Variants in PGBD2 observed in about 807,000 individuals in gnomAD.
PGBD2 encodes piggyBac transposable element-derived protein 2.
In PGBD2, 6 loss-of-function variants were observed where a neutral mutation model predicts 8.1. That is an observed-to-expected ratio of 0.74 (90% CI 0.40 to 1.46). PGBD2 has a LOEUF of 1.46. PGBD2 is among the 40% of genes most tolerant of loss of function. The pLI is 0.02. For synonymous variants in PGBD2, 318 were observed against 272.2 expected, an observed-to-expected ratio of 1.17 and a Z score of -1.66; for missense variants, 802 against 739.0, an observed-to-expected ratio of 1.09 and a Z score of -0.99.
At chr1:248,879,945 A>G in the PGBD2 span, among the ~76,000 whole-genome samples, 19 of 152,136 alleles carry the variant, frequency 1.2e-4, no homozygotes, top group Non-Finnish European at 2.2e-4. Flanking sequence ...TAACAACTGC[A>G]ATCAGTTCTG....
chr1:248,919,116 A>G lies in PGBD2; in HGVS notation c.*753A>G, dbSNP rs753244179. On this transcript the variant is annotated 3_prime_UTR_variant, in exon 3 of 3. Coordinates refer to ENST00000329291, the MANE Select transcript of PGBD2 (RefSeq NM_170725.3). ...ATCCAATTATACTGTTAGTTATTTTAAAATGTGCAATTAAATTATTTTTAA... is the reference window on the plus strand; with the variant it reads ...ATCCAATTATACTGTTAGTTATTTTGAAATGTGCAATTAAATTATTTTTAA... 5.4e-5 allele frequency: 9 copies of G among 167,160 alleles called. No homozygotes were observed. Among genetic ancestry groups the G allele is most frequent in the Non-Finnish European group, 1.0e-4 (7 of 68,112 alleles). 10.4% of individuals were successfully genotyped at this position (167,160 alleles called of 1,614,324 possible). A position where few individuals can be genotyped will look rare whatever the true frequency, so the allele number is the denominator to read the frequency against.
chr1:248,873,928 A>C, the PGBD2 span, among the ~76,000 whole-genome samples: 14 of 152,178 alleles, frequency 9.2e-5, no homozygotes, highest in Non-Finnish European at 1.9e-4. Context: ...TGGTCTCCGG[A>C]TGGAGGCGTG....
downstream of PGBD2, among the ~76,000 whole-genome samples, chr1:248,924,778 C>T (rs1482495152): frequency 6.6e-6 from 1 of 152,224 alleles, no homozygotes; most frequent in Non-Finnish European, 1.5e-5. Flanking sequence ...GATGCAGATA[C>T]AGAAACTGAG....
chr1:248,874,933 G>GATAGATAGATAGATAGATAGATAGACAA, the PGBD2 span, among the ~76,000 whole-genome samples: 182 of 150,690 alleles, frequency 1.2e-3, no homozygotes, highest in African/African-American at 4.4e-3. Context: ...TAGATAGATA[G>GATAGATAGATAGATAGATAGATAGACAA]ATAGATAGAT....
the PGBD2 span, among the ~76,000 whole-genome samples, chr1:248,928,567 G>A: frequency 6.6e-6 from 1 of 152,166 alleles, no homozygotes; most frequent in Non-Finnish European, 1.5e-5. Flanking sequence ...TATCTCATCT[G>A]AGGTAGGATG....
rs1402831950 is a variant in PGBD2, at chr1:248,911,526, C to T, written c.-47-2290C>T. On this transcript the variant is annotated intron_variant, in intron 1 of 2. Coordinates refer to ENST00000329291, the MANE Select transcript of PGBD2 (RefSeq NM_170725.3). ...TCTCCCATGTCTACTTCTTTCTACACAGACACGGCAACCATCCGATTTCTC... is the reference window on the plus strand; with the variant it reads ...TCTCCCATGTCTACTTCTTTCTACATAGACACGGCAACCATCCGATTTCTC... 8.4e-5 allele frequency among the ~76,000 whole-genome samples: 12 copies of T among 143,608 alleles called. 1 individual carries two copies. Among genetic ancestry groups the T allele is most frequent in the African/African-American group, 2.1e-4 (7 of 33,316 alleles). 94.2% of individuals were successfully genotyped at this position (143,608 alleles called of 152,430 possible). A position where few individuals can be genotyped will look rare whatever the true frequency, so the allele number is the denominator to read the frequency against.
intron 1 of PGBD2, among the ~76,000 whole-genome samples, chr1:248,911,494 CGA>C (rs1661873357): frequency 6.8e-6 from 1 of 147,242 alleles, no homozygotes; most frequent in Non-Finnish European, 1.5e-5. Flanking sequence ...CAGAACAAAA[CGA>C]AAAGTCTCCC....
At chr1:248,927,843 G>C in the PGBD2 span, among the ~76,000 whole-genome samples, 1 of 152,188 alleles carries the variant, frequency 6.6e-6, no homozygotes, top group Non-Finnish European at 1.5e-5. Flanking sequence ...TAGGCAGGTA[G>C]ATAGATAGAT....
At chr1:248,910,081 G>T (rs1661810747) in intron 1 of PGBD2, among the ~76,000 whole-genome samples, 1 of 152,212 alleles carries the variant, frequency 6.6e-6, no homozygotes, top group Admixed American at 6.5e-5. Context: ...AAGCAACTGT[G>T]ACATGGTAAC....
At chr1:248,907,625 A>G (rs1661705517) in intron 1 of PGBD2, among the ~76,000 whole-genome samples, 1 of 152,090 alleles carries the variant, frequency 6.6e-6, no homozygotes, top group South Asian at 2.1e-4. Context: ...CCCCTTGTTT[A>G]TTGAGACTAG....
At chr1:248,927,810 A>G in the PGBD2 span, among the ~76,000 whole-genome samples, 1 of 152,208 alleles carries the variant, frequency 6.6e-6, no homozygotes, top group South Asian at 2.1e-4. Flanking sequence ...AGGTAGAAAA[A>G]ATACTAGTAA....
chr1:248,914,500 C>G, intron 2 of PGBD2: 1 of 1,289,114 alleles, frequency 7.8e-7, no homozygotes, highest in Non-Finnish European at 1.0e-6. Context: ...CAGTCAGTCT[C>G]CAGGAAGTGA....
chr1:248,921,323 T>A (rs1662282987), downstream of PGBD2, among the ~76,000 whole-genome samples: 1 of 152,156 alleles, frequency 6.6e-6, no homozygotes, highest in African/African-American at 2.4e-5. Flanking sequence ...TTGTATAAGG[T>A]GTAAGGAAGG....
the PGBD2 span, among the ~76,000 whole-genome samples, chr1:248,889,928 C>CTTTTCTT: frequency 8.8e-5 from 12 of 136,002 alleles, no homozygotes; most frequent in African/African-American, 2.8e-4. Flanking sequence ...TTTTTCTTTT[C>CTTTTCTT]TTTTTTTTTT....
chr1:248,885,442 A>C, the PGBD2 span, among the ~76,000 whole-genome samples: 1 of 152,000 alleles, frequency 6.6e-6, no homozygotes, highest in Non-Finnish European at 1.5e-5. Context: ...TGCTCAGCTA[A>C]AAATTTTATT....
the PGBD2 span, among the ~76,000 whole-genome samples, chr1:248,877,935 T>G: frequency 6.6e-6 from 1 of 152,200 alleles, no homozygotes; most frequent in East Asian, 1.9e-4. Flanking sequence ...TTATGGAGAA[T>G]ATTAATGCAA....
chr1:248,922,119 G>T (rs1394292930), downstream of PGBD2, among the ~76,000 whole-genome samples: 1 of 151,142 alleles, frequency 6.6e-6, no homozygotes, highest in Non-Finnish European at 1.5e-5. Flanking sequence ...GAGTGCAGTG[G>T]CACGATCTCG....
rs756509042 is a variant in PGBD2, at chr1:248,917,861, T to C, written c.1277T>C (p.Val426Ala). The C allele has an allele frequency of 6.2e-7, 1 of 1,614,192 alleles. No individual in the cohort carries two copies. Among genetic ancestry groups the C allele is most frequent in the Admixed American group, 1.7e-5 (1 of 60,012 alleles). ...SSVVNICSNA[V>A]GIEPVRLTSR... is the part of the protein sequence containing the mutation. ...GTGGTCAACATTTGCTCCAATGCTG[T>C]GGGCATAGAGCCAGTGAGGCTGACC... Residue 426 changes from valine (V) to alanine (A), a missense_variant, in exon 3 of 3, where the codon GTG becomes GCG. Coordinates refer to ENST00000329291, the MANE Select transcript of PGBD2 (RefSeq NM_170725.3).
downstream of PGBD2, among the ~76,000 whole-genome samples, chr1:248,923,361 A>T (rs1237559888): frequency 6.6e-6 from 1 of 151,940 alleles, no homozygotes; most frequent in Non-Finnish European, 1.5e-5. Context: ...CTTCTTTATT[A>T]GTCTGGCTAT....
Sources: allele counts gnomAD v4.1 joint callset (sites outside exome capture counted in the v4.1 genomes callset), GRCh38; gene constraint gnomAD v4.1.1; transcripts MANE v1.5; gene names NCBI Gene and HGNC (gene_info 2026-07-23, HGNC 2026-07-21).